The following CEP72 variants were observed in gnomAD, a reference collection of about 807,000 sequenced individuals.
CEP72 encodes centrosomal protein 72, also known as centrosomal protein of 72 kDa.
Under a neutral mutation model 65.7 loss-of-function variants are expected in CEP72, and 78 were observed. The observed-to-expected ratio is 1.19, with a 90% CI of 0.99 to 1.43. The LOEUF (loss-of-function observed/expected upper bound fraction) is 1.43, where lower values mean the gene tolerates loss of function less well. CEP72 is among the 40% of genes most tolerant of loss of function. CEP72 has a pLI of 0.00. For missense variants in CEP72, 914 were observed against 832.9 expected (o/e 1.10, Z -1.20); for synonymous variants, 358 against 351.7 (o/e 1.02, Z -0.20).
intron 4 of CEP72, among the ~76,000 whole-genome samples, chr5:627,789 A>G (rs1736849394): frequency 6.6e-6 from 1 of 152,238 alleles, no homozygotes; most frequent in Non-Finnish European, 1.5e-5. Flanking sequence ...TAGTCAAAAA[A>G]TAGTATTTTA....
At chr5:671,178 T>C (rs1185339253), downstream of CEP72, among the ~76,000 whole-genome samples, 2 of 151,574 alleles carry the variant, frequency 1.3e-5, no homozygotes, top group Non-Finnish European at 2.9e-5. Context: ...ACTGTCTCCC[T>C]CTGGGCGCAC....
At chr5:667,703 G>A (rs1561081356), downstream of CEP72, among the ~76,000 whole-genome samples, 1 of 151,264 alleles carries the variant, frequency 6.6e-6, no homozygotes, top group Non-Finnish European at 1.5e-5. Context: ...TCAGCAGTAA[G>A]AAAAAAAATC....
the CEP72 span, among the ~76,000 whole-genome samples, chr5:675,541 CGTGTGGCCGGGGGTGCA>C: frequency 2.3e-5 from 1 of 42,868 alleles, no homozygotes; most frequent in African/African-American, 8.6e-5. Flanking sequence ...CCGGGGATGC[CGTGTGGCCGGGGGTGCA>C]GTGTGGCTGG....
At chr5:668,301 A>G (rs56763662), downstream of CEP72, among the ~76,000 whole-genome samples, 345 of 44,258 alleles carry the variant, frequency 7.8e-3, 30 homozygotes, top group African/African-American at 0.034. Context: ...TCAGGGAAGT[A>G]CCGACAAGCA....
intron 9 of CEP72, chr5:641,240 C>G: frequency 1.0e-6 from 1 of 985,412 alleles, no homozygotes; most frequent in Non-Finnish European, 1.2e-6. Flanking sequence ...TCCCTCCACG[C>G]TGCAAGGGCC....
chr5:648,134 G>C (rs1033490939), intron 11 of CEP72, among the ~76,000 whole-genome samples: 1 of 152,256 alleles, frequency 6.6e-6, no homozygotes, highest in Non-Finnish European at 1.5e-5. Flanking sequence ...TGTGAGGCGT[G>C]GATCATGAAG....
At chr5:673,532 T>C in the CEP72 span, among the ~76,000 whole-genome samples, 1 of 152,246 alleles carries the variant, frequency 6.6e-6, no homozygotes, top group African/African-American at 2.4e-5. Context: ...CCTGAGCTGC[T>C]GCCCGCAGGA....
chr5:636,600 C>G (rs983027067), intron 6 of CEP72, among the ~76,000 whole-genome samples: 3 of 152,128 alleles, frequency 2.0e-5, no homozygotes, highest in African/African-American at 7.2e-5. Flanking sequence ...CATTTGAGGT[C>G]AGGAGTTTAA....
downstream of CEP72, among the ~76,000 whole-genome samples, chr5:667,581 C>G (rs374703729): frequency 6.6e-5 from 10 of 151,792 alleles, no homozygotes; most frequent in East Asian, 1.9e-3. Flanking sequence ...TCAAAACGTT[C>G]GAAACTCTGC....
intron 4 of CEP72, chr5:666,724 A>T (rs1363067323): frequency 6.6e-6 from 1 of 152,654 alleles, no homozygotes; most frequent in Non-Finnish European, 1.5e-5. Flanking sequence ...TGGTCACACA[A>T]CACGCCACAT....
chr5:649,029 GTGTGAGGTGTGAC>G (rs1738684378), intron 11 of CEP72, among the ~76,000 whole-genome samples: 8 of 142,166 alleles, frequency 5.6e-5, no homozygotes, highest in African/African-American at 7.9e-5. Flanking sequence ...TCAACCCTGA[GTGTGAGGTGTGAC>G]TGTGAGGTGT....
At chr5:649,010 TGTGAG>T (rs1410647572) in intron 11 of CEP72, among the ~76,000 whole-genome samples, 1 of 147,178 alleles carries the variant, frequency 6.8e-6, no homozygotes, top group Non-Finnish European at 1.5e-5. Flanking sequence ...GGGTGTGGGC[TGTGAG>T]GTATCAACCC....
chr5:646,535 C>T lies in CEP72; in HGVS notation c.1667-1270C>T, dbSNP rs142690709. Among the ~76,000 whole-genome samples, 137 of 152,248 alleles carry T rather than the reference C, an allele frequency of 9.0e-4. 1 individual carries two copies. The highest frequency in any genetic ancestry group is 1.8e-3 in the Admixed American group (27 of 15,298). Reference sequence around the variant, plus strand: ...GGGGATTCTCAGGCCCTGTTCTCTCCTCCACCCTTCTCTGATGCCGTCATC... The same window carrying T: ...GGGGATTCTCAGGCCCTGTTCTCTCTTCCACCCTTCTCTGATGCCGTCATC... On this transcript the variant is annotated intron_variant, in intron 10 of 11. Transcript: ENST00000264935.
At chr5:650,759 G>A (rs1454464561) in intron 11 of CEP72, among the ~76,000 whole-genome samples, 1 of 71,822 alleles carries the variant, frequency 1.4e-5, no homozygotes, top group Non-Finnish European at 2.5e-5. Context: ...ACTGTGAGGC[G>A]TGGACTGTGA....
chr5:613,393 C>T (rs1190647068), intron 1 of CEP72, among the ~76,000 whole-genome samples: 14 of 151,500 alleles, frequency 9.2e-5, no homozygotes, highest in African/African-American at 1.7e-4. Flanking sequence ...TTTTTTTAGA[C>T]GGAGTCTCAC....
rs1334019002 is a variant in CEP72 at position 645,897 on chromosome 5, C to T, written c.1666+1472C>T. ...TGAGCGTCACTCCTGCTCCCGTCGG[C>T]GGCCTGTGTGGACGGTGAATTCGGC... On this transcript the variant is annotated intron_variant, in intron 10 of 11. Transcript: ENST00000264935. The surrounding 1 kb of genome is among the most constrained non-coding windows in gnomAD (Gnocchi z 4.0). Among the ~76,000 whole-genome samples the T allele has an allele frequency of 6.6e-6, 1 of 152,192 alleles. No individual in the cohort carries two copies. Among genetic ancestry groups the T allele is most frequent in the Non-Finnish European group, 1.5e-5 (1 of 68,032 alleles).
downstream of CEP72, among the ~76,000 whole-genome samples, chr5:670,053 G>A (rs1474952259): frequency 2.0e-5 from 3 of 150,976 alleles, no homozygotes; most frequent in Non-Finnish European, 4.4e-5. Flanking sequence ...GCCCTGCGGG[G>A]CCTGGACTTG....
At chr5:648,166 G>A (rs1284665728) in intron 11 of CEP72, among the ~76,000 whole-genome samples, 1 of 152,262 alleles carries the variant, frequency 6.6e-6, no homozygotes, top group South Asian at 2.1e-4. Flanking sequence ...AGGTGTGGAT[G>A]TGAGGTCTGA....
chr5:635,476 G>A lies in CEP72; in HGVS notation c.796G>A (p.Glu266Lys), dbSNP rs1004499134. Residue 266 changes from glutamate (E) to lysine (K), a missense_variant, in exon 6 of 12, where the codon GAG becomes AAG. Coordinates refer to ENST00000264935, the MANE Select transcript of CEP72 (RefSeq NM_018140.4). ...GAGCAGCTGCAGAGGGTGCTGTCTGGAGAAGATGCCTTGGAGCCAGCTCTG... is the reference window on the plus strand; with the variant it reads ...GAGCAGCTGCAGAGGGTGCTGTCTGAAGAAGATGCCTTGGAGCCAGCTCTG... ...RRSSCRGCCL[E>K]KMPWSQLCGE... The A allele has an allele frequency of 1.2e-6, 2 of 1,614,010 alleles. No homozygotes were observed.
Sources: allele counts gnomAD v4.1 joint callset (sites outside exome capture counted in the v4.1 genomes callset), GRCh38; gene constraint gnomAD v4.1.1; non-coding constraint Gnocchi (gnomAD v3.1); transcripts MANE v1.5; gene names NCBI Gene and HGNC (gene_info 2026-07-23, HGNC 2026-07-21).